The following SOX6 variants were observed in gnomAD, a reference collection of about 807,000 sequenced individuals.
The protein encoded by SOX6 is SRY-box transcription factor 6.
SOX6 carries 11 observed loss-of-function variants against 97.8 expected under a neutral mutation model. That is an observed-to-expected ratio of 0.11 (90% CI 0.07 to 0.19). The LOEUF (loss-of-function observed/expected upper bound fraction) is 0.19, where lower values mean the gene tolerates loss of function less well. Among genes scored for constraint, SOX6 ranks in the 10% least tolerant of loss-of-function variants. The pLI, the probability that SOX6 is intolerant of heterozygous loss-of-function variation, is 1.00. For missense variants in SOX6, 810 were observed against 1,039.5 expected (o/e 0.78, Z 3.04); for synonymous variants, 360 against 371.4 (o/e 0.97, Z 0.35).
intron 1 of SOX6, among the ~76,000 whole-genome samples, chr11:16,403,859 A>T (rs1291878729): frequency 6.6e-6 from 1 of 151,766 alleles, no homozygotes; most frequent in African/African-American, 2.4e-5. Context: ...AAAAAGAATT[A>T]AAATAAAATT....
At chr11:16,129,355 T>C (rs1354002971) in intron 6 of SOX6, among the ~76,000 whole-genome samples, 3 of 152,186 alleles carry the variant, frequency 2.0e-5, no homozygotes, top group African/African-American at 7.2e-5. Flanking sequence ...CCTCTTTTTT[T>C]TCCCACTTCC....
chr11:16,585,328 T>G (rs867788761), intron 4 of SOX6, among the ~76,000 whole-genome samples: 11 of 152,234 alleles, frequency 7.2e-5, no homozygotes, highest in Non-Finnish European at 1.3e-4. Context: ...CACCTATTCT[T>G]ATGTGTGCCA....
chr11:16,470,387 A>C (rs1396102436), intron 1 of SOX6, among the ~76,000 whole-genome samples: 1 of 152,184 alleles, frequency 6.6e-6, no homozygotes, highest in Non-Finnish European at 1.5e-5. Context: ...AGTTTTAAAC[A>C]GATTTCTTTC....
intron 9 of SOX6, among the ~76,000 whole-genome samples, chr11:16,076,368 T>A (rs1848351551): frequency 7.0e-6 from 1 of 142,626 alleles, no homozygotes; most frequent in African/African-American, 2.6e-5. Context: ...GAAAAAGGTC[T>A]AATATGCAGA....
chr11:16,054,916 A>G (rs183463448), intron 10 of SOX6, among the ~76,000 whole-genome samples: 5 of 152,284 alleles, frequency 3.3e-5, no homozygotes, highest in African/African-American at 9.6e-5. Context: ...TGGCTCATCA[A>G]TTTCCCTCTC....
At chr11:16,340,875 T>C (rs1346981844) in intron 2 of SOX6, 137 bp downstream of exon 2, 3 of 1,209,646 alleles carry the variant, frequency 2.5e-6, no homozygotes, top group Non-Finnish European at 3.5e-6. Context: ...AGTATCTTAG[T>C]AATATGTACC....
At chr11:16,032,073 T>C (rs1855391476) in intron 12 of SOX6, among the ~76,000 whole-genome samples, 1 of 152,102 alleles carries the variant, frequency 6.6e-6, no homozygotes, top group South Asian at 2.1e-4. Context: ...TAAATTTTCA[T>C]CTCCGTAAGA....
chr11:16,104,086 G>A (rs1050299788), intron 7 of SOX6, among the ~76,000 whole-genome samples: 3 of 151,920 alleles, frequency 2.0e-5, no homozygotes, highest in Non-Finnish European at 2.9e-5. Context: ...GGAGAACACA[G>A]TTAAGATTAT....
At chr11:16,320,062 A>G (rs1479595251) in intron 2 of SOX6, among the ~76,000 whole-genome samples, 1 of 152,154 alleles carries the variant, frequency 6.6e-6, no homozygotes, top group African/African-American at 2.4e-5. Context: ...GAAATAAAAT[A>G]TTCTTATATT....
chr11:16,564,550 C>T (rs1847848827), intron 4 of SOX6, among the ~76,000 whole-genome samples: 1 of 151,926 alleles, frequency 6.6e-6, no homozygotes, highest in Admixed American at 6.6e-5. Context: ...CCAAGATAGA[C>T]AACAAACTAG....
chr11:16,145,215 G>A (rs1832669885), intron 6 of SOX6, among the ~76,000 whole-genome samples: 1 of 151,948 alleles, frequency 6.6e-6, no homozygotes, highest in Non-Finnish European at 1.5e-5. Context: ...TCAATAAACG[G>A]AATCCAGCAT....
At chr11:16,588,605 C>A (rs929070561) in intron 4 of SOX6, among the ~76,000 whole-genome samples, 2 of 152,154 alleles carry the variant, frequency 1.3e-5, no homozygotes, top group Non-Finnish European at 1.5e-5. Flanking sequence ...CTTGACCCCC[C>A]TCTCCTGAAC....
At chr11:16,181,559 C>CAA (rs5789942) in intron 6 of SOX6, among the ~76,000 whole-genome samples, 21 of 137,678 alleles carry the variant, frequency 1.5e-4, no homozygotes, top group African/African-American at 4.7e-4. Context: ...TTTCCCCTTC[C>CAA]AAAAAAAAAA....
At chr11:16,482,168 G>C (rs2133125306) in intron 4 of SOX6, among the ~76,000 whole-genome samples, 1 of 152,068 alleles carries the variant, frequency 6.6e-6, no homozygotes, top group South Asian at 2.1e-4. Context: ...AAATAATTGT[G>C]GCTATTCTTT....
intron 4 of SOX6, among the ~76,000 whole-genome samples, chr11:16,497,265 T>C (rs148841969): frequency 0.02 from 3,027 of 152,176 alleles, 81 homozygotes; most frequent in African/African-American, 0.06. Context: ...TCCTAACTGT[T>C]AGAAGGAAAA....
chr11:16,556,413 TC>T, intron 4 of SOX6, among the ~76,000 whole-genome samples: 1 of 151,760 alleles, frequency 6.6e-6, no homozygotes, highest in South Asian at 2.1e-4. Context: ...TTTCCACACT[TC>T]CTCCCACTAA....
At chr11:16,718,029 C>A in intron 2 of SOX6, among the ~76,000 whole-genome samples, 1 of 147,958 alleles carries the variant, frequency 6.8e-6, no homozygotes, top group East Asian at 2.0e-4. Flanking sequence ...CTTTTTGTAA[C>A]AGGTTCAAAA....
chr11:16,456,347 T>C (rs1859810931), intron 1 of SOX6, among the ~76,000 whole-genome samples: 1 of 152,128 alleles, frequency 6.6e-6, no homozygotes, highest in South Asian at 2.1e-4. Context: ...TCGGTTTCAG[T>C]TCATTCTCTA....
chr11:16,107,408 T>TATATATATAC (rs1483213274), intron 7 of SOX6, among the ~76,000 whole-genome samples: 3 of 144,690 alleles, frequency 2.1e-5, no homozygotes, highest in African/African-American at 7.7e-5. Flanking sequence ...TATATATGTA[T>TATATATATAC]ATATATATAC....
Sources: gnomAD v4.1 joint callset for allele counts (sites outside exome capture counted in the v4.1 genomes callset) on GRCh38, gnomAD v4.1.1 for gene constraint, MANE v1.5 for transcripts, NCBI Gene and HGNC (gene_info 2026-07-23, HGNC 2026-07-21) for gene names.